TNFRSF10B: variants seen among roughly 807,000 people sequenced by gnomAD.
TNFRSF10B encodes TNF receptor superfamily member 10b.
In TNFRSF10B, 35 loss-of-function variants were observed where a neutral mutation model predicts 41.4. That is an observed-to-expected ratio of 0.85 (90% CI 0.65 to 1.12). TNFRSF10B has a LOEUF of 1.12. Ranked by LOEUF, TNFRSF10B falls within the 50% of genes most tolerant of loss-of-function variation. The pLI is 0.00. For synonymous variants in TNFRSF10B, 230 were observed against 215.5 expected (o/e 1.07, Z -0.59); for missense variants, 584 against 552.7 (o/e 1.06, Z -0.57).
At position 23,024,152 on chromosome 8, in the gene TNFRSF10B, C is replaced by T. The variant is rs1232622893; in HGVS notation, c.1009+36G>A. On this transcript the variant is annotated intron_variant, in intron 8 of 8. Transcript: ENST00000276431. ...AGTTAGGACCCTGTCCCTATTCCCT[C>T]CATTCCTGCTGCATCTCCAGGAGCA... 30 of 1,613,602 alleles carry T rather than the reference C, an allele frequency of 1.9e-5. No homozygotes were observed. The East Asian group carries it at 6.5e-4, about 35-fold the overall frequency.
intron 1 of TNFRSF10B, among the ~76,000 whole-genome samples, chr8:23,045,062 A>G (rs1445980740): frequency 6.2e-5 from 4 of 64,330 alleles, no homozygotes; most frequent in African/African-American, 4.2e-4. Context: ...ATAAAATACA[A>G]AAAAAAAAAA....
chr8:23,041,408 T>C (rs1005218494), intron 2 of TNFRSF10B, among the ~76,000 whole-genome samples: 6 of 152,014 alleles, frequency 3.9e-5, no homozygotes, highest in African/African-American at 1.4e-4. Flanking sequence ...GGCTCACGCC[T>C]GTAATCCCAA....
In TNFRSF10B at chr8:23,022,878, T is replaced by A; in HGVS notation, c.1116A>T (p.Lys372Asn). The change falls in exon 9 of 9, where the codon AAA (lysine) becomes AAT (asparagine). Residue 372 changes from lysine (K) to asparagine (N), a missense_variant. Transcript: ENST00000276431. ...GLMDNEIKVA[K>N]AEAAGHRDTL... The stretch of plus-strand genomic sequence containing the variant: ...TGTCCCTGTGGCCCGCTGCCTCAGC[T>A]TTAGCCACCTTTATCTCATTGTCCA... 1 of 1,614,060 alleles carries A rather than the reference T, an allele frequency of 6.2e-7. No individual in the cohort carries two copies. Among genetic ancestry groups the A allele is most frequent in the Non-Finnish European group, 8.5e-7 (1 of 1,180,018 alleles).
At chr8:23,044,109 G>T (rs887322868) in intron 1 of TNFRSF10B, among the ~76,000 whole-genome samples, 3 of 152,160 alleles carry the variant, frequency 2.0e-5, no homozygotes, top group African/African-American at 7.2e-5. Flanking sequence ...GGGAAATCTA[G>T]ACATTGACTC....
At chr8:23,035,939 T>C (rs1262230716) in intron 2 of TNFRSF10B, among the ~76,000 whole-genome samples, 13 of 152,208 alleles carry the variant, frequency 8.5e-5, no homozygotes, top group Non-Finnish European at 1.9e-4. Context: ...CATTTTTCTG[T>C]CACTTGGGCC....
At chr8:23,051,399 T>C (rs1248595811) in intron 1 of TNFRSF10B, among the ~76,000 whole-genome samples, 1 of 152,206 alleles carries the variant, frequency 6.6e-6, no homozygotes, top group Non-Finnish European at 1.5e-5. Context: ...TGCCAAATAT[T>C]ATAAGGTGTC....
chr8:23,060,591 T>G (rs1358788813), intron 1 of TNFRSF10B, among the ~76,000 whole-genome samples: 1 of 152,224 alleles, frequency 6.6e-6, no homozygotes, highest in Non-Finnish European at 1.5e-5. Context: ...TACTACATTT[T>G]TATTCATTTT....
intron 1 of TNFRSF10B, 191 bp downstream of exon 1, chr8:23,068,560 G>A (rs1274295040): frequency 2.5e-6 from 2 of 815,072 alleles, no homozygotes; most frequent in African/African-American, 1.8e-5. Context: ...GTTCCCTGGC[G>A]GCCCAGGTCG....
At chr8:23,043,855 T>C (rs1484502811) in intron 1 of TNFRSF10B, among the ~76,000 whole-genome samples, 2 of 152,150 alleles carry the variant, frequency 1.3e-5, no homozygotes, top group African/African-American at 4.8e-5. Flanking sequence ...ATCAGAAGAG[T>C]GTACTTACAC....
intron 2 of TNFRSF10B, among the ~76,000 whole-genome samples, chr8:23,039,678 A>C (rs1339418429): frequency 1.3e-5 from 2 of 152,152 alleles, no homozygotes; most frequent in African/African-American, 4.8e-5. Flanking sequence ...ATCAACCATC[A>C]CAAGTCAACC....
chr8:23,041,923 C>A (rs1414999526), intron 2 of TNFRSF10B, among the ~76,000 whole-genome samples: 2 of 152,162 alleles, frequency 1.3e-5, no homozygotes, highest in African/African-American at 4.8e-5. Context: ...TCAGTATTTA[C>A]AACTTCTTCC....
rs1811480362 is a variant in TNFRSF10B at position 23,020,495 on chromosome 8, C to T, written c.*2176G>A. 2.2e-6 allele frequency: 1 copy of T among 452,770 alleles called. No individual in the cohort carries two copies. The highest frequency in any genetic ancestry group is 4.4e-6 in the Non-Finnish European group (1 of 225,812). The allele number at this position is 452,770 out of a possible 1,614,324, so 28.0% of individuals were successfully genotyped here. ...TCACCTGAGGTCAGGAGTTCGAGAC[C>T]AGCCTGACCAACATGGTGAAACCCC... On this transcript the variant is annotated 3_prime_UTR_variant, in exon 9 of 9. Coordinates refer to ENST00000276431, the MANE Select transcript of TNFRSF10B (RefSeq NM_003842.5).
At chr8:23,040,922 C>T (rs7834281) in intron 2 of TNFRSF10B, among the ~76,000 whole-genome samples, 39,697 of 152,020 alleles carry the variant, frequency 0.26, 6,545 homozygotes, top group African/African-American at 0.47. Flanking sequence ...TTGGGGCAAC[C>T]AAAAAGGTGG....
chr8:23,058,013 G>A (rs1012309929), intron 1 of TNFRSF10B, among the ~76,000 whole-genome samples: 20 of 152,250 alleles, frequency 1.3e-4, no homozygotes, highest in Non-Finnish European at 2.5e-4. Context: ...TGGGGAGGCC[G>A]AGGCGGGCAG....
chr8:23,024,448 ATTTTAG>A (rs1238102698), intron 7 of TNFRSF10B, among the ~76,000 whole-genome samples, 188 bp from the exon 8 acceptor site: 1 of 152,118 alleles, frequency 6.6e-6, no homozygotes, highest in Non-Finnish European at 1.5e-5. Context: ...AGCAGTCAAT[ATTTTAG>A]ATTAGGAGTG....
At chr8:23,057,906 T>A (rs1323563660) in intron 1 of TNFRSF10B, among the ~76,000 whole-genome samples, 1 of 152,232 alleles carries the variant, frequency 6.6e-6, no homozygotes, top group Non-Finnish European at 1.5e-5. Context: ...GAATGGTATA[T>A]CTATTTTCAT....
chr8:23,057,890 T>C (rs1234864499), intron 1 of TNFRSF10B, among the ~76,000 whole-genome samples: 1 of 152,256 alleles, frequency 6.6e-6, no homozygotes, highest in Non-Finnish European at 1.5e-5. Context: ...CTTAGGCTTA[T>C]TACTTGAATG....
intron 1 of TNFRSF10B, among the ~76,000 whole-genome samples, chr8:23,053,193 T>C (rs755008281): frequency 1.1e-4 from 17 of 152,246 alleles, no homozygotes; most frequent in Non-Finnish European, 2.2e-4. Flanking sequence ...CTAGGACACA[T>C]GGAGCTAGAT....
At position 23,022,098 on chromosome 8, in the gene TNFRSF10B, A is replaced by G; in HGVS notation, c.*573T>C. On this transcript the variant is annotated 3_prime_UTR_variant, in exon 9 of 9. Transcript: ENST00000276431. ...ACATAGAGAGCCCCTATATCTAGAC[A>G]AAATACAAAAAATTAGCCGGGCGTG... 2.4e-6 allele frequency: 1 copy of G among 423,790 alleles called. No homozygotes were observed. Among genetic ancestry groups the G allele is most frequent in the South Asian group, 1.7e-5 (1 of 58,986 alleles). 26.3% of individuals were successfully genotyped at this position (423,790 alleles called of 1,614,324 possible). A position where few individuals can be genotyped will look rare whatever the true frequency, so the allele number is the denominator to read the frequency against.
Sources: allele counts gnomAD v4.1 joint callset (sites outside exome capture counted in the v4.1 genomes callset), GRCh38; gene constraint gnomAD v4.1.1; transcripts MANE v1.5; gene names NCBI Gene and HGNC (gene_info 2026-07-23, HGNC 2026-07-21).